The following PLPP1 variants were observed in gnomAD, a reference collection of about 807,000 sequenced individuals.
PLPP1 encodes the protein phospholipid phosphatase 1, also known as lipid phosphate phosphohydrolase 1a.
PLPP1 carries 24 observed loss-of-function variants against 31.2 expected under a neutral mutation model. That is an observed-to-expected ratio of 0.77 (90% CI 0.56 to 1.08). The LOEUF (loss-of-function observed/expected upper bound fraction) is 1.08. Ranked by LOEUF, PLPP1 falls within the 50% of genes least tolerant of loss-of-function variation. PLPP1 has a pLI of 0.00. For synonymous variants in PLPP1, 146 were observed against 126.3 expected, an observed-to-expected ratio of 1.16 and a Z score of -1.05; for missense variants, 319 against 342.7, an observed-to-expected ratio of 0.93 and a Z score of 0.55.
At chr5:55,467,435 CA>C (rs1324211295) in intron 3 of PLPP1, among the ~76,000 whole-genome samples, 1 of 151,774 alleles carries the variant, frequency 6.6e-6, no homozygotes, top group Non-Finnish European at 1.5e-5. Context: ...CCTGTTACCC[CA>C]GCACTTTGGG....
chr5:55,527,160 C>G (rs1426631142), intron 1 of PLPP1, among the ~76,000 whole-genome samples: 3 of 151,974 alleles, frequency 2.0e-5, no homozygotes, highest in African/African-American at 7.3e-5. Context: ...GAGAATCTTC[C>G]CAAAATACTT....
chr5:55,529,409 A>AATTTTC (rs1229158932), intron 1 of PLPP1, among the ~76,000 whole-genome samples: 2 of 152,130 alleles, frequency 1.3e-5, no homozygotes, highest in Non-Finnish European at 2.9e-5. Flanking sequence ...GTTAATCAGA[A>AATTTTC]ATACTGGCTA....
chr5:55,511,794 G>T (rs1174997831), intron 1 of PLPP1, among the ~76,000 whole-genome samples: 1 of 150,236 alleles, frequency 6.7e-6, no homozygotes, highest in African/African-American at 2.4e-5. Flanking sequence ...CTCCAGAGTA[G>T]CTGGGACTGC....
Position 55,433,379 on chromosome 5 carries a change from ACTGT to A in PLPP1, c.550-7344_550-7341del, listed in dbSNP as rs368976149. 4.9e-3 allele frequency among the ~76,000 whole-genome samples: 705 copies of A among 143,964 alleles called. 9 individuals are homozygous for A. The highest frequency in any genetic ancestry group is 0.016 in the African/African-American group (629 of 38,912). The allele number at this position is 143,964 out of a possible 152,430, so 94.4% of individuals were successfully genotyped here. On this transcript the variant is annotated intron_variant, in intron 4 of 5. Transcript: ENST00000307259. ...TCCAAGTTGTATAACAGGAAATCAA[ACTGT>A]CCGTCTTCGCAGACAATATGATCTT...
At chr5:55,479,413 G>A (rs1197495284) in intron 1 of PLPP1, among the ~76,000 whole-genome samples, 1 of 152,218 alleles carries the variant, frequency 6.6e-6, no homozygotes, top group Non-Finnish European at 1.5e-5. Context: ...GGAAGGGGAT[G>A]AAGAAAAAGA....
At chr5:55,482,848 C>A (rs539207802) in intron 1 of PLPP1, among the ~76,000 whole-genome samples, 1 of 152,290 alleles carries the variant, frequency 6.6e-6, no homozygotes, top group South Asian at 2.1e-4. Context: ...TTTCTTATTA[C>A]CATTTAAGTA....
At chr5:55,490,813 A>G (rs1752872674) in intron 1 of PLPP1, 1 of 867,142 alleles carries the variant, frequency 1.2e-6, no homozygotes, top group Non-Finnish European at 1.7e-6. Flanking sequence ...CCTCTGGACT[A>G]AAACAGTGGG....
chr5:55,465,833 T>A (rs1752280333), intron 3 of PLPP1, among the ~76,000 whole-genome samples: 1 of 152,182 alleles, frequency 6.6e-6, no homozygotes, highest in African/African-American at 2.4e-5. Flanking sequence ...GCTCTACTGT[T>A]AAAGTCTTCT....
chr5:55,457,074 C>T (rs6883319), intron 3 of PLPP1, among the ~76,000 whole-genome samples: 130,038 of 151,594 alleles, frequency 0.86, 56,181 homozygotes, highest in South Asian at 0.92. Flanking sequence ...GCAGGAGAAC[C>T]GCTTGAGCTT....
chr5:55,472,662 G>GAC (rs1315064897), intron 2 of PLPP1, among the ~76,000 whole-genome samples: 1 of 56,526 alleles, frequency 1.8e-5, no homozygotes, highest in African/African-American at 5.1e-5. Flanking sequence ...AAGAAAGAGA[G>GAC]AGAGAGACAG....
chr5:55,482,784 T>G (rs1162477994), intron 1 of PLPP1, among the ~76,000 whole-genome samples: 1 of 152,212 alleles, frequency 6.6e-6, no homozygotes, highest in Non-Finnish European at 1.5e-5. Context: ...TACTTTACAC[T>G]TTATAAAAAT....
intron 2 of PLPP1, among the ~76,000 whole-genome samples, chr5:55,472,641 A>G (rs1473295431): frequency 1.0e-5 from 1 of 98,356 alleles, no homozygotes; most frequent in Non-Finnish European, 2.2e-5. Context: ...AGAGACAGAG[A>G]GAGAGAAAGA....
chr5:55,431,851 AAG>A (rs935880333), intron 4 of PLPP1, among the ~76,000 whole-genome samples: 3 of 152,312 alleles, frequency 2.0e-5, no homozygotes, highest in African/African-American at 4.8e-5. Flanking sequence ...ACAAGAGAAA[AAG>A]AAAACCCAAA....
At chr5:55,488,208 TA>T (rs781599627) in intron 1 of PLPP1, among the ~76,000 whole-genome samples, 1,569 of 143,016 alleles carry the variant, frequency 0.011, 11 homozygotes, top group Non-Finnish European at 0.017. Context: ...TTCCACTCCT[TA>T]AAAAAAAAAA....
At chr5:55,513,841 G>A (rs1458345230) in intron 1 of PLPP1, among the ~76,000 whole-genome samples, 1 of 151,850 alleles carries the variant, frequency 6.6e-6, no homozygotes, top group Non-Finnish European at 1.5e-5. Flanking sequence ...TGTGAGGAAT[G>A]CTTAAACATA....
At chr5:55,488,652 A>G (rs1752823896) in intron 1 of PLPP1, among the ~76,000 whole-genome samples, 1 of 152,184 alleles carries the variant, frequency 6.6e-6, no homozygotes, top group South Asian at 2.1e-4. Flanking sequence ...TCTCAAAAAA[A>G]TAAAAATAAA....
At chr5:55,489,545 T>A (rs1053115658) in intron 1 of PLPP1, among the ~76,000 whole-genome samples, 1 of 152,194 alleles carries the variant, frequency 6.6e-6, no homozygotes, top group Non-Finnish European at 1.5e-5. Flanking sequence ...CAAATTAGAA[T>A]TATATGAATA....
chr5:55,522,595 A>C (rs1417363785), intron 1 of PLPP1, among the ~76,000 whole-genome samples: 1 of 152,210 alleles, frequency 6.6e-6, no homozygotes, highest in African/African-American at 2.4e-5. Flanking sequence ...AGATATACTC[A>C]AAATGGTAAG....
At chr5:55,445,535 CTTTTTTTTTTTTTTT>C (rs753276317) in intron 3 of PLPP1, among the ~76,000 whole-genome samples, 1 of 79,622 alleles carries the variant, frequency 1.3e-5, no homozygotes, top group African/African-American at 5.1e-5. Flanking sequence ...TGCATTCACT[CTTTTTTTTTTTTTTT>C]TTTTTTTTTT....
Sources: gnomAD v4.1 joint callset for allele counts (sites outside exome capture counted in the v4.1 genomes callset) on GRCh38, gnomAD v4.1.1 for gene constraint, MANE v1.5 for transcripts, NCBI Gene and HGNC (gene_info 2026-07-23, HGNC 2026-07-21) for gene names.